The following LRFN5 variants were observed in gnomAD, a reference collection of about 807,000 sequenced individuals.
LRFN5 encodes the protein leucine rich repeat and fibronectin type III domain containing 5, also known as leucine-rich repeat and fibronectin type-III domain-containing protein 5.
In LRFN5, 24 loss-of-function variants were observed where a neutral mutation model predicts 45.6. That is an observed-to-expected ratio of 0.53 (90% CI 0.38 to 0.74). LRFN5 has a LOEUF of 0.74. Among genes scored for constraint, LRFN5 ranks in the 30% least tolerant of loss-of-function variants. The pLI, the probability that LRFN5 is intolerant of heterozygous loss-of-function variation, is 0.00. For missense variants in LRFN5, 776 were observed against 861.5 expected, an observed-to-expected ratio of 0.90 and a Z score of 1.24; for synonymous variants, 340 against 313.8, an observed-to-expected ratio of 1.08 and a Z score of -0.88.
intron 5 of LRFN5, among the ~76,000 whole-genome samples, chr14:41,899,710 T>G (rs1891048020): frequency 6.6e-6 from 1 of 152,170 alleles, no homozygotes; most frequent in South Asian, 2.1e-4. Context: ...TTGCTGGTAG[T>G]AAAAATAGGG....
rs1296138521 is a variant in LRFN5, at chr14:41,741,823, A to AAC, written c.-196-25030_-196-25029insCA. Among the ~76,000 whole-genome samples the AAC allele has an allele frequency of 3.3e-5, 5 of 151,554 alleles. 1 individual carries two copies. The highest frequency in any genetic ancestry group is 2.7e-4 in the Admixed American group (4 of 14,914). On this transcript the variant is annotated intron_variant, in intron 1 of 5. Coordinates refer to ENST00000298119, the MANE Select transcript of LRFN5 (RefSeq NM_152447.5). Reference sequence around the variant, plus strand: ...TGGTAAGGGGCTAAAATAAAAAAAAAAAACCAAAAAACTAATTTAGTAATA... The same window carrying AAC: ...TGGTAAGGGGCTAAAATAAAAAAAAAACAAACCAAAAAACTAATTTAGTAATA...
chr14:41,654,815 A>G (rs1880299855), intron 1 of LRFN5, among the ~76,000 whole-genome samples: 2 of 152,074 alleles, frequency 1.3e-5, no homozygotes, highest in East Asian at 3.9e-4. Context: ...ACCTTCCCAC[A>G]GTACTGATAT....
intron 2 of LRFN5, 80 bp from the exon 3 acceptor site, chr14:41,886,526 A>T (rs1029563251): frequency 1.1e-6 from 1 of 929,098 alleles, no homozygotes; most frequent in African/African-American, 1.7e-5. Flanking sequence ...TAGATTGCAT[A>T]CAAATATTAT....
chr14:41,740,478 A>T (rs886141627), intron 1 of LRFN5, among the ~76,000 whole-genome samples: 1 of 152,042 alleles, frequency 6.6e-6, no homozygotes, highest in Non-Finnish European at 1.5e-5. Context: ...ATAGATACAG[A>T]AAAAACATTT....
intron 2 of LRFN5, among the ~76,000 whole-genome samples, chr14:41,778,910 T>A (rs1566435081): frequency 6.6e-6 from 1 of 151,784 alleles, no homozygotes; most frequent in African/African-American, 2.4e-5. Flanking sequence ...TTTAATCAGT[T>A]CTTTGGGATT....
intron 5 of LRFN5, among the ~76,000 whole-genome samples, chr14:41,900,339 A>G (rs539298888): frequency 7.2e-4 from 110 of 152,006 alleles, no homozygotes; most frequent in Non-Finnish European, 1.3e-3. Flanking sequence ...GGAATATTGT[A>G]TATTATTTTG....
At chr14:41,781,610 A>G (rs1032165929) in intron 2 of LRFN5, among the ~76,000 whole-genome samples, 1 of 96,058 alleles carries the variant, frequency 1.0e-5, no homozygotes, top group African/African-American at 5.2e-5. Context: ...GAAAGAAAGA[A>G]AGAAAGAGAA....
chr14:41,778,011 T>TG (rs71102200), intron 2 of LRFN5, among the ~76,000 whole-genome samples: 15,675 of 111,540 alleles, frequency 0.14, 1,333 homozygotes, highest in Non-Finnish European at 0.21. Flanking sequence ...TTTTTTTTGG[T>TG]GGGGGGGGGG....
rs763145077 is a variant in LRFN5 at position 41,891,660 on chromosome 14, A to G, written c.1796A>G (p.Asn599Ser). ...VSKQAVGHEE[N>S]AQCCKATSDN... Reference sequence around the variant, plus strand: ...AAACAAGCTGTGGGACACGAAGAGAATGCCCAGTGTTGTAAAGCTACCAGT... The same window carrying G: ...AAACAAGCTGTGGGACACGAAGAGAGTGCCCAGTGTTGTAAAGCTACCAGT... Residue 599 changes from asparagine to serine, a missense_variant, in exon 4 of 6, where the codon AAT becomes AGT. Physicochemically the swap from Asn to Ser is conservative, Grantham distance 46. This residue lies in a region of LRFN5 where 465 missense variants were observed against 456.4 expected (regional missense o/e 1.02). Transcript: ENST00000298119. 3 of 1,614,092 alleles carry G rather than the reference A, an allele frequency of 1.9e-6. No individual in the cohort carries two copies. Among genetic ancestry groups the G allele is most frequent in the Non-Finnish European group, 2.5e-6 (3 of 1,180,044 alleles).
chr14:41,859,651 A>G (rs1889594316), intron 2 of LRFN5, among the ~76,000 whole-genome samples: 1 of 152,222 alleles, frequency 6.6e-6, no homozygotes, highest in Non-Finnish European at 1.5e-5. Context: ...ATTTAACAGA[A>G]GTTTTCTAAC....
intron 1 of LRFN5, among the ~76,000 whole-genome samples, chr14:41,683,266 C>T (rs1881983431): frequency 6.6e-6 from 1 of 152,126 alleles, no homozygotes; most frequent in Non-Finnish European, 1.5e-5. Flanking sequence ...TAAAATTAAA[C>T]ATCTCTTCAT....
intron 2 of LRFN5, among the ~76,000 whole-genome samples, chr14:41,856,679 T>TATTATTATTATTATTA (rs1566486513): frequency 3.3e-5 from 2 of 60,100 alleles, no homozygotes; most frequent in African/African-American, 1.1e-4. Flanking sequence ...ATTATTATTT[T>TATTATTATTATTATTA]TTTTTTTTTT....
At chr14:41,790,236 A>T (rs1288760929) in intron 2 of LRFN5, among the ~76,000 whole-genome samples, 1 of 151,944 alleles carries the variant, frequency 6.6e-6, no homozygotes. Flanking sequence ...ACTTATGCAT[A>T]AACAACTTTA....
chr14:41,749,724 G>A (rs572641673), intron 1 of LRFN5, among the ~76,000 whole-genome samples: 3 of 152,168 alleles, frequency 2.0e-5, no homozygotes, highest in Non-Finnish European at 2.9e-5. Context: ...CTTAATACCT[G>A]GGTGATGAAA....
At position 41,716,316 on chromosome 14, in the gene LRFN5, C is replaced by T. The variant is rs931263010; in HGVS notation, c.-196-50538C>T. On this transcript the variant is annotated intron_variant, in intron 1 of 5. Transcript: ENST00000298119. ...ATTTCTGCGGCCAGCTTGGATTTCT[C>T]CTCAGAAAATGATATTTTCTTTTTT... 5.3e-5 allele frequency among the ~76,000 whole-genome samples: 8 copies of T among 152,300 alleles called. No individual in the cohort carries two copies. In the South Asian group the frequency reaches 1.2e-3, roughly 24 times the overall value.
chr14:41,706,942 C>T (rs1200111264), intron 1 of LRFN5, among the ~76,000 whole-genome samples: 1 of 152,068 alleles, frequency 6.6e-6, no homozygotes, highest in Admixed American at 6.6e-5. Flanking sequence ...TTTACCTGAT[C>T]CACGAAAATG....
At chr14:41,753,788 G>A (rs1426834807) in intron 1 of LRFN5, among the ~76,000 whole-genome samples, 3 of 152,126 alleles carry the variant, frequency 2.0e-5, no homozygotes, top group East Asian at 1.9e-4. Context: ...CCCTGGCCAG[G>A]ACTTCCAACA....
At chr14:41,755,967 A>AG (rs1885357978) in intron 1 of LRFN5, among the ~76,000 whole-genome samples, 1 of 152,186 alleles carries the variant, frequency 6.6e-6, no homozygotes, top group East Asian at 1.9e-4. Flanking sequence ...CCTGGCGGTG[A>AG]GAAAATCTCT....
At chr14:41,896,351 C>T (rs1890939419) in intron 4 of LRFN5, among the ~76,000 whole-genome samples, 1 of 152,190 alleles carries the variant, frequency 6.6e-6, no homozygotes, top group Non-Finnish European at 1.5e-5. Flanking sequence ...AGAATGAAGA[C>T]TATCTACGAT....
Sources: allele counts gnomAD v4.1 joint callset (sites outside exome capture counted in the v4.1 genomes callset), GRCh38; gene constraint gnomAD v4.1.1; regional missense constraint gnomAD v4.1.1; transcripts MANE v1.5; gene names NCBI Gene and HGNC (gene_info 2026-07-23, HGNC 2026-07-21).